The following GKAP1 variants were observed in gnomAD, a reference collection of about 807,000 sequenced individuals.
GKAP1 encodes G kinase-anchoring protein 1.
A neutral mutation model predicts 56.7 loss-of-function variants in GKAP1; 31 were observed. The ratio of observed to expected loss-of-function variants is 0.55; its 90% CI spans 0.41 to 0.74. The LOEUF is 0.74. Among genes scored for constraint, GKAP1 ranks in the 30% least tolerant of loss-of-function variants. The probability of loss-of-function intolerance (pLI) is 0.00; values close to 1 mark genes in which losing one functional copy is unlikely to be tolerated. For missense variants in GKAP1, 364 were observed against 402.3 expected (o/e 0.90, Z 0.82); for synonymous variants, 151 against 138.6 (o/e 1.09, Z -0.63).
rs1944620853 is a variant in GKAP1 at position 83,817,073 on chromosome 9, A to G, written c.-121T>C. The G allele has an allele frequency of 6.6e-6, 1 of 152,254 alleles. No individual in the cohort carries two copies. Among genetic ancestry groups the G allele is most frequent in the Non-Finnish European group, 1.5e-5 (1 of 68,040 alleles). The allele number at this position is 152,254 out of a possible 1,614,324, so 9.4% of individuals were successfully genotyped here. On this transcript the variant is annotated 5_prime_UTR_variant, in exon 2 of 13. Coordinates refer to ENST00000376371, the MANE Select transcript of GKAP1 (RefSeq NM_025211.4). ...CGAAACTTATTCGCAAAGTACATAGAGAAAGAAATTGCGCTGGGCGAAACC... is the reference window on the plus strand; with the variant it reads ...CGAAACTTATTCGCAAAGTACATAGGGAAAGAAATTGCGCTGGGCGAAACC...
chr9:83,775,794 G>T (rs1026064706), intron 7 of GKAP1, among the ~76,000 whole-genome samples: 1 of 136,338 alleles, frequency 7.3e-6, no homozygotes, highest in African/African-American at 2.8e-5. Context: ...AGAATCGCTT[G>T]AACCCAGGAA....
intron 4 of GKAP1, among the ~76,000 whole-genome samples, chr9:83,797,141 T>C (rs1409721850): frequency 6.6e-6 from 1 of 152,198 alleles, no homozygotes; most frequent in Non-Finnish European, 1.5e-5. Flanking sequence ...AGCTCTCAGA[T>C]TGTATGCTAA....
At chr9:83,769,496 G>A (rs1028587524) in intron 7 of GKAP1, among the ~76,000 whole-genome samples, 1 of 152,314 alleles carries the variant, frequency 6.6e-6, no homozygotes, top group East Asian at 1.9e-4. Flanking sequence ...TCCAATATGT[G>A]AACTTTTGAC....
chr9:83,771,474 T>C (rs1209571322), intron 7 of GKAP1, among the ~76,000 whole-genome samples: 1 of 152,206 alleles, frequency 6.6e-6, no homozygotes, highest in Non-Finnish European at 1.5e-5. Flanking sequence ...CTTCACATTA[T>C]CTTAGAAAGT....
At chr9:83,817,150 G>C (rs1007807186) in intron 1 of GKAP1, 23 bp from the exon 2 acceptor site, 2 of 152,156 alleles carry the variant, frequency 1.3e-5, no homozygotes, top group Admixed American at 1.3e-4. Context: ...AAACGAGTCA[G>C]GTCGTTGCTC....
At chr9:83,748,793 C>A (rs1344790341) in intron 9 of GKAP1, 1 of 152,306 alleles carries the variant, frequency 6.6e-6, no homozygotes, top group African/African-American at 2.4e-5. Context: ...TTGTCACTGT[C>A]CAATATGCGA....
chr9:83,766,517 A>G (rs1307984842), intron 8 of GKAP1, among the ~76,000 whole-genome samples: 1 of 152,218 alleles, frequency 6.6e-6, no homozygotes, highest in Non-Finnish European at 1.5e-5. Context: ...TTATTTATAG[A>G]CAAACCTTAT....
chr9:83,792,719 G>A (rs1183261676), intron 4 of GKAP1, among the ~76,000 whole-genome samples: 4 of 152,102 alleles, frequency 2.6e-5, no homozygotes, highest in Non-Finnish European at 4.4e-5. Context: ...TACTTAATCA[G>A]TAAATGTATA....
intron 4 of GKAP1, among the ~76,000 whole-genome samples, chr9:83,798,166 C>T (rs1288495753): frequency 6.6e-6 from 1 of 152,158 alleles, no homozygotes; most frequent in Non-Finnish European, 1.5e-5. Flanking sequence ...TATTTTAAAA[C>T]TGGTAACCCA....
At chr9:83,740,531 A>G (rs1432631977) in intron 12 of GKAP1, among the ~76,000 whole-genome samples, 2 of 152,164 alleles carry the variant, frequency 1.3e-5, no homozygotes, top group Non-Finnish European at 2.9e-5. Context: ...TATTTACTTT[A>G]TAATAGTTGT....
intron 3 of GKAP1, among the ~76,000 whole-genome samples, chr9:83,800,403 C>T (rs1264724900): frequency 6.7e-6 from 1 of 148,814 alleles, no homozygotes; most frequent in Admixed American, 6.8e-5. Flanking sequence ...GGCACAATCT[C>T]GCTCACTGTA....
intron 3 of GKAP1, among the ~76,000 whole-genome samples, chr9:83,801,487 CA>C (rs1294552341): frequency 6.6e-6 from 1 of 151,570 alleles, no homozygotes; most frequent in Non-Finnish European, 1.5e-5. Context: ...TAGGTTGGTG[CA>C]AAGTAATTGT....
chr9:83,751,356 G>C (rs1943385925), intron 9 of GKAP1, among the ~76,000 whole-genome samples: 1 of 152,018 alleles, frequency 6.6e-6, no homozygotes, highest in South Asian at 2.1e-4. Flanking sequence ...TCATTCCTTT[G>C]TCTGTTCTTC....
chr9:83,773,473 A>T (rs965382746), intron 7 of GKAP1, among the ~76,000 whole-genome samples: 2 of 152,124 alleles, frequency 1.3e-5, no homozygotes, highest in Admixed American at 6.5e-5. Context: ...AGTGAATTAT[A>T]TACTTGCAAT....
chr9:83,810,717 G>A (rs1252361820), intron 2 of GKAP1, among the ~76,000 whole-genome samples: 1 of 152,202 alleles, frequency 6.6e-6, no homozygotes. Flanking sequence ...TCTCTCTTGA[G>A]TTGTTGTAAA....
chr9:83,787,328 C>T (rs116033546), intron 5 of GKAP1, among the ~76,000 whole-genome samples: 122 of 152,200 alleles, frequency 8.0e-4, no homozygotes, highest in African/African-American at 2.8e-3. Context: ...CCTCTAACTG[C>T]TGGGTTCAAG....
intron 7 of GKAP1, among the ~76,000 whole-genome samples, chr9:83,774,027 A>C (rs912987438): frequency 6.6e-6 from 1 of 151,608 alleles, no homozygotes; most frequent in African/African-American, 2.4e-5. Context: ...GTGCCATCAC[A>C]CCCGGCTAAT....
chr9:83,761,028 G>T (rs1475140626), intron 8 of GKAP1, among the ~76,000 whole-genome samples: 1 of 148,872 alleles, frequency 6.7e-6, no homozygotes, highest in Non-Finnish European at 1.5e-5. Context: ...AGAAATAAAT[G>T]AAACTAAAAT....
At chr9:83,777,278 A>G (rs962619494) in intron 7 of GKAP1, among the ~76,000 whole-genome samples, 12 of 152,338 alleles carry the variant, frequency 7.9e-5, no homozygotes, top group Admixed American at 6.5e-4. Flanking sequence ...AAACCATACT[A>G]GAAGGACTGG....
Sources: gnomAD v4.1 joint callset for allele counts (sites outside exome capture counted in the v4.1 genomes callset) on GRCh38, gnomAD v4.1.1 for gene constraint, MANE v1.5 for transcripts, NCBI Gene and HGNC (gene_info 2026-07-23, HGNC 2026-07-21) for gene names.